SHOC2: variants seen among roughly 807,000 people sequenced by gnomAD.
SHOC2 encodes leucine-rich repeat protein SHOC-2.
SHOC2 carries 4 observed loss-of-function variants against 50.2 expected under a neutral mutation model. The ratio of observed to expected loss-of-function variants is 0.08; its 90% CI spans 0.04 to 0.18. The LOEUF is 0.18. Ranked by LOEUF, SHOC2 falls within the 10% of genes least tolerant of loss-of-function variation. The pLI, the probability that SHOC2 is intolerant of heterozygous loss-of-function variation, is 1.00. For synonymous variants in SHOC2, 218 were observed against 244.5 expected, an observed-to-expected ratio of 0.89 and a Z score of 1.01; for missense variants, 388 against 669.6, an observed-to-expected ratio of 0.58 and a Z score of 4.64.
At chr10:110,972,761 C>T (rs538306395) in intron 2 of SHOC2, among the ~76,000 whole-genome samples, 11 of 152,100 alleles carry the variant, frequency 7.2e-5, no homozygotes, top group South Asian at 2.1e-4. Flanking sequence ...CACCTGAGTC[C>T]GGTAGGTTGA....
rs763178456 is a variant in SHOC2 at position 110,936,604 on chromosome 10, T to TTTTA, written c.-235+16947_-235+16948insTTTA. The TTTTA allele has an allele frequency of 6.6e-6, 5 of 762,204 alleles. No individual in the cohort carries two copies. The East Asian group carries it at 1.4e-4, about 22-fold the overall frequency. The allele number at this position is 762,204 out of a possible 1,614,324, so 47.2% of individuals were successfully genotyped here. On this transcript the variant is annotated intron_variant, in intron 1 of 8. Coordinates refer to ENST00000369452, the MANE Select transcript of SHOC2 (RefSeq NM_007373.4). ...TTTTCTTTTCCTTTTTTTTTTTTTTTAACAGTCTTTATTGGGCTCAGACCA... is the reference window on the plus strand; with the variant it reads ...TTTTCTTTTCCTTTTTTTTTTTTTTTTTTAAACAGTCTTTATTGGGCTCAGACCA...
intron 1 of SHOC2, among the ~76,000 whole-genome samples, chr10:110,932,574 A>G (rs1846915552): frequency 6.6e-6 from 1 of 152,144 alleles, no homozygotes; most frequent in South Asian, 2.1e-4. Context: ...ATTGAAGGGG[A>G]GAGAGAAGTC....
intron 1 of SHOC2, among the ~76,000 whole-genome samples, chr10:110,936,058 G>A (rs1379894783): frequency 6.6e-6 from 1 of 151,476 alleles, no homozygotes; most frequent in African/African-American, 2.4e-5. Flanking sequence ...TTTATGCTGG[G>A]GGTAAATTCT....
intron 6 of SHOC2, among the ~76,000 whole-genome samples, chr10:111,008,066 C>T (rs1044663903): frequency 6.0e-5 from 9 of 150,084 alleles, no homozygotes; most frequent in Non-Finnish European, 1.0e-4. Flanking sequence ...TTTATTTACT[C>T]ATTGATTATT....
chr10:110,926,501 T>TA (rs996348188), intron 1 of SHOC2, among the ~76,000 whole-genome samples: 28 of 152,160 alleles, frequency 1.8e-4, no homozygotes, highest in African/African-American at 6.5e-4. Context: ...TAACCAAATG[T>TA]AAAAAGGACT....
chr10:110,990,984 ATCTC>A (rs1300679992), intron 3 of SHOC2, among the ~76,000 whole-genome samples: 1 of 152,146 alleles, frequency 6.6e-6, no homozygotes, highest in African/African-American at 2.4e-5. Context: ...TGTGCTTCCC[ATCTC>A]TCTGTTTAGA....
intron 6 of SHOC2, 118 bp downstream of exon 6, chr10:111,007,771 A>G: frequency 1.0e-6 from 1 of 990,218 alleles, no homozygotes; most frequent in Non-Finnish European, 1.6e-6. Context: ...GAAATGTTAG[A>G]ACTCACTTAA....
At chr10:110,944,270 T>G (rs1847206392) in intron 1 of SHOC2, among the ~76,000 whole-genome samples, 1 of 152,122 alleles carries the variant, frequency 6.6e-6, no homozygotes, top group African/African-American at 2.4e-5. Context: ...CCTCTTACCA[T>G]TTTACCATTA....
At chr10:110,995,921 CT>C (rs1283724938) in intron 3 of SHOC2, among the ~76,000 whole-genome samples, 4 of 152,294 alleles carry the variant, frequency 2.6e-5, no homozygotes, top group African/African-American at 7.2e-5. Flanking sequence ...AACTTTTTCA[CT>C]TTCTTTATAA....
chr10:111,007,763 A>T (rs949008615), intron 6 of SHOC2, 110 bp downstream of exon 6: 2 of 1,122,828 alleles, frequency 1.8e-6, no homozygotes, highest in African/African-American at 3.1e-5. Flanking sequence ...CATAATTAGA[A>T]ATGTTAGAAC....
chr10:110,949,641 A>G (rs952038258), intron 1 of SHOC2, among the ~76,000 whole-genome samples: 8 of 152,150 alleles, frequency 5.3e-5, no homozygotes, highest in African/African-American at 1.9e-4. Context: ...AAAAAAAAAT[A>G]CAGGTCAGTA....
intron 1 of SHOC2, among the ~76,000 whole-genome samples, chr10:110,959,658 G>A (rs755829271): frequency 3.9e-5 from 6 of 152,164 alleles, no homozygotes; most frequent in Non-Finnish European, 7.4e-5. Context: ...TATTTATTTT[G>A]TTAGCATTCT....
chr10:110,978,838 A>G (rs1328311696), intron 2 of SHOC2, among the ~76,000 whole-genome samples: 2 of 152,032 alleles, frequency 1.3e-5, no homozygotes, highest in African/African-American at 4.8e-5. Context: ...AGGCAGTAGG[A>G]CTCTGGCCTT....
At chr10:110,961,470 G>A (rs1327808441) in intron 1 of SHOC2, among the ~76,000 whole-genome samples, 1 of 152,180 alleles carries the variant, frequency 6.6e-6, no homozygotes, top group African/African-American at 2.4e-5. Flanking sequence ...TTTACTGGAT[G>A]TGAAAAATTT....
intron 1 of SHOC2, among the ~76,000 whole-genome samples, chr10:110,951,080 G>A (rs55794717): frequency 0.1 from 15,147 of 152,128 alleles, 1,171 homozygotes; most frequent in East Asian, 0.24. Context: ...CAAAGGAAAT[G>A]ATCAACAGAG....
At chr10:110,966,565 C>T (rs908590682) in intron 2 of SHOC2, among the ~76,000 whole-genome samples, 1 of 152,068 alleles carries the variant, frequency 6.6e-6, no homozygotes, top group Admixed American at 6.5e-5. Flanking sequence ...CTTTAATTCA[C>T]AAGTCTCTAA....
rs529510973 is a variant in SHOC2, at chr10:110,982,308, A to G, written c.704-3320A>G. ...CTTTGCTATTGTGAATAATGCCGCA[A>G]TAAACATACGTGTGCATGTGTCTTT... On this transcript the variant is annotated intron_variant, in intron 2 of 8. Coordinates refer to ENST00000369452, the MANE Select transcript of SHOC2 (RefSeq NM_007373.4). Among the ~76,000 whole-genome samples the G allele has an allele frequency of 4.6e-5, 7 of 151,282 alleles. No homozygotes were observed. In the East Asian group the frequency reaches 9.7e-4, roughly 21 times the overall value.
Position 111,011,877 on chromosome 10 carries a change from C to T in SHOC2, c.*59C>T. 2 of 1,306,082 alleles carry T rather than the reference C, an allele frequency of 1.5e-6. No homozygotes were observed. The highest frequency in any genetic ancestry group is 2.2e-6 in the Non-Finnish European group (2 of 902,432). The allele number at this position is 1,306,082 out of a possible 1,614,324, so 80.9% of individuals were successfully genotyped here. On this transcript the variant is annotated 3_prime_UTR_variant, in exon 9 of 9. Coordinates refer to ENST00000369452, the MANE Select transcript of SHOC2 (RefSeq NM_007373.4). ...ATAGACTGCCATTAATGTTTCTTAT[C>T]TATATCTGTATCTATTTATGTAGAT... is the stretch of plus-strand genomic sequence containing the variant.
chr10:110,936,680 A>G (rs746848680), intron 1 of SHOC2: 6 of 949,358 alleles, frequency 6.3e-6, no homozygotes, highest in Admixed American at 2.1e-5. Context: ...TTTCTTCTCC[A>G]TGTTCCTCTT....
Sources: gnomAD v4.1 joint callset for allele counts (sites outside exome capture counted in the v4.1 genomes callset) on GRCh38, gnomAD v4.1.1 for gene constraint, MANE v1.5 for transcripts, NCBI Gene and HGNC (gene_info 2026-07-23, HGNC 2026-07-21) for gene names.